Variants in LRP5 observed in about 807,000 individuals in gnomAD.
LRP5 encodes the protein low-density lipoprotein receptor-related protein 5.
In LRP5, 62 loss-of-function variants were observed where a neutral mutation model predicts 154.1. That is an observed-to-expected ratio of 0.40 (90% CI 0.33 to 0.50). The LOEUF (loss-of-function observed/expected upper bound fraction) is 0.50. LRP5 is among the 20% of genes least tolerant of loss of function. LRP5 has a pLI of 0.55. For missense variants in LRP5, 1,915 were observed against 2,336.7 expected, an observed-to-expected ratio of 0.82 and a Z score of 3.72; for synonymous variants, 966 against 1,011.5, an observed-to-expected ratio of 0.96 and a Z score of 0.85.
chr11:68,384,381 C>G (rs561732644), intron 5 of LRP5, among the ~76,000 whole-genome samples: 2 of 152,252 alleles, frequency 1.3e-5, no homozygotes, highest in African/African-American at 4.8e-5. Flanking sequence ...GGTTCAGCCC[C>G]GGGCCCCTTT....
At chr11:68,372,415 C>G in intron 5 of LRP5, among the ~76,000 whole-genome samples, 1 of 146,438 alleles carries the variant, frequency 6.8e-6, no homozygotes, top group East Asian at 2.0e-4. Flanking sequence ...GTCAGGCAGA[C>G]CCGGGACCGT....
intron 4 of LRP5, 35 bp downstream of exon 4, chr11:68,363,978 GGGGGCTGGGGGGAGCGGGGGCGCGGGGCA>G: frequency 8.4e-7 from 1 of 1,193,786 alleles, no homozygotes; most frequent in Non-Finnish European, 1.1e-6. Context: ...GCGAGGGTGC[GGGGGCTGGGGGGAGCGGGGGCGCGGGGCA>G]GGGGAGTGGG....
Position 68,359,165 on chromosome 11 carries a change from C to G in LRP5, c.686+1318C>G, listed in dbSNP as rs117108817. On this transcript the variant is annotated intron_variant, in intron 3 of 22. Transcript: ENST00000294304. ...GAGTCAGTGATGAGGAGTGGATTAG[C>G]TGGGTGCTTCTGGCTCAGGGTATGA... Among the ~76,000 whole-genome samples, 961 of 152,280 alleles carry G rather than the reference C, an allele frequency of 6.3e-3. 7 individuals are homozygous for G. The highest frequency in any genetic ancestry group is 1.0e-2 in the Non-Finnish European group (677 of 68,022).
rs2098677129 is a variant in LRP5 at position 68,439,805 on chromosome 11, C to T, written c.4377C>T (p.Ser1459=). The T allele has an allele frequency of 1.2e-6, 2 of 1,611,836 alleles. No individual in the cohort carries two copies. The highest frequency in any genetic ancestry group is 8.5e-7 in the Non-Finnish European group (1 of 1,179,668). The change falls in exon 21 of 23, where the codon AGC becomes AGT. Residue 1459 remains serine (S), a synonymous_variant. Transcript: ENST00000294304. ...TCGCATGCGGAAAGTCCATGATGAG[C>T]TCCGTGAGCCTGATGGGGGGCCGGG... The part of the protein sequence containing the change: ...TGIACGKSMM[S]SVSLMGGRGG...
At chr11:68,344,309 T>A (rs779744727) in intron 1 of LRP5, among the ~76,000 whole-genome samples, 1 of 152,070 alleles carries the variant, frequency 6.6e-6, no homozygotes, top group Admixed American at 6.6e-5. Context: ...ATTTTTTGAT[T>A]TCTTTTTATT....
intron 5 of LRP5, among the ~76,000 whole-genome samples, chr11:68,373,451 G>A (rs182279303): frequency 2.6e-5 from 4 of 152,298 alleles, no homozygotes; most frequent in African/African-American, 7.2e-5. Context: ...CCCCTGAGCT[G>A]CAGGGTGACC....
chr11:68,423,899 G>C lies in LRP5; in HGVS notation c.3236+202G>C, dbSNP rs1385727300. Among the ~76,000 whole-genome samples the C allele has an allele frequency of 6.6e-6, 1 of 152,226 alleles. No individual in the cohort carries two copies. Among genetic ancestry groups the C allele is most frequent in the Non-Finnish European group, 1.5e-5 (1 of 68,018 alleles). On this transcript the variant is annotated intron_variant, in intron 14 of 22. Coordinates refer to ENST00000294304, the MANE Select transcript of LRP5 (RefSeq NM_002335.4). This position sits in a 1 kb window ranked among gnomAD's most constrained non-coding sequence, Gnocchi z 4.7. ...GAAAGCCCCAAGGGCTGGAAGGGAA[G>C]GGGGAGCTCTGCTGAGAGGTTACAA...
At chr11:68,338,386 A>G (rs1349502001) in intron 1 of LRP5, among the ~76,000 whole-genome samples, 1 of 152,236 alleles carries the variant, frequency 6.6e-6, no homozygotes, top group Non-Finnish European at 1.5e-5. Flanking sequence ...TGAATTCTAT[A>G]TATAAATATT....
At chr11:68,431,870 C>G (rs1208135763) in intron 17 of LRP5, among the ~76,000 whole-genome samples, 1 of 106,630 alleles carries the variant, frequency 9.4e-6, no homozygotes, top group Admixed American at 1.0e-4. Context: ...TCCACCACCC[C>G]CTGGCCTGGG....
At chr11:68,385,597 GGT>G (rs1307745304) in intron 5 of LRP5, among the ~76,000 whole-genome samples, 1 of 152,062 alleles carries the variant, frequency 6.6e-6, no homozygotes, top group African/African-American at 2.4e-5. Flanking sequence ...TGTGTTGCCT[GGT>G]GTGTCAAGTG....
chr11:68,333,501 A>C (rs2098604039), intron 1 of LRP5, among the ~76,000 whole-genome samples: 1 of 152,164 alleles, frequency 6.6e-6, no homozygotes, highest in Admixed American at 6.5e-5. Context: ...TAGCCTGATC[A>C]GTGCTTTTTC....
intron 12 of LRP5, among the ~76,000 whole-genome samples, chr11:68,415,246 G>A (rs1255326679): frequency 1.3e-5 from 2 of 152,198 alleles, no homozygotes; most frequent in Admixed American, 6.5e-5. Context: ...GGGCTGCCTT[G>A]TGGTGGCATG....
At chr11:68,393,423 C>A (rs2153157128) in intron 7 of LRP5, among the ~76,000 whole-genome samples, 1 of 152,364 alleles carries the variant, frequency 6.6e-6, no homozygotes, top group South Asian at 2.1e-4. Flanking sequence ...CGCCGTTCTG[C>A]ATCCCCACCG....
At chr11:68,442,955 T>C (rs1327397388) in intron 21 of LRP5, among the ~76,000 whole-genome samples, 1 of 152,104 alleles carries the variant, frequency 6.6e-6, no homozygotes, top group Non-Finnish European at 1.5e-5. Context: ...TTGTCAGGCG[T>C]GGCTGGGCCC....
At chr11:68,442,829 A>G (rs1198365915) in intron 21 of LRP5, among the ~76,000 whole-genome samples, 2 of 152,216 alleles carry the variant, frequency 1.3e-5, no homozygotes, top group Non-Finnish European at 2.9e-5. Context: ...GTTGGTAGGC[A>G]GTGGGGCCAG....
chr11:68,415,662 T>G (rs12290878), intron 12 of LRP5, among the ~76,000 whole-genome samples: 1,446 of 37,856 alleles, frequency 0.038, 121 homozygotes, highest in Middle Eastern at 0.14. Context: ...GGAGAATCGC[T>G]TGAACTTGGG....
intron 3 of LRP5, among the ~76,000 whole-genome samples, chr11:68,359,408 G>C (rs553177801): frequency 6.6e-6 from 1 of 152,310 alleles, no homozygotes; most frequent in South Asian, 2.1e-4. Context: ...TGGAAATGTG[G>C]TTACCCTGTA....
intron 18 of LRP5, among the ~76,000 whole-genome samples, chr11:68,434,072 C>T (rs900084178): frequency 6.6e-6 from 1 of 152,188 alleles, no homozygotes; most frequent in Non-Finnish European, 1.5e-5. Context: ...CACCTTCCTG[C>T]ATTAGGTCAG....
upstream of LRP5, among the ~76,000 whole-genome samples, chr11:68,312,039 A>G (rs1467577431): frequency 6.6e-6 from 1 of 152,250 alleles, no homozygotes; most frequent in Admixed American, 6.5e-5. Flanking sequence ...GCCTAGAGGC[A>G]CTTTTAGAGG....
Sources: gnomAD v4.1 joint callset for allele counts (sites outside exome capture counted in the v4.1 genomes callset) on GRCh38, gnomAD v4.1.1 for gene constraint, Gnocchi (gnomAD v3.1) non-coding constraint, MANE v1.5 for transcripts, NCBI Gene and HGNC (gene_info 2026-07-23, HGNC 2026-07-21) for gene names.